CBLL1: variants seen among roughly 807,000 people sequenced by gnomAD.
CBLL1 encodes the protein E3 ubiquitin-protein ligase Hakai.
In CBLL1, 4 loss-of-function variants were observed where a neutral mutation model predicts 44.9. The ratio of observed to expected loss-of-function variants is 0.09; its 90% CI spans 0.04 to 0.20. The LOEUF (loss-of-function observed/expected upper bound fraction) is 0.20, where lower values mean the gene tolerates loss of function less well. Ranked by LOEUF, CBLL1 falls within the 10% of genes least tolerant of loss-of-function variation. CBLL1 has a pLI of 1.00. For missense variants in CBLL1, 569 were observed against 636.7 expected (o/e 0.89, Z 1.14); for synonymous variants, 235 against 202.2 (o/e 1.16, Z -1.38).
In CBLL1 at chr7:107,761,237, A is replaced by G. The variant is rs1435527358; in HGVS notation, c.*2059A>G. 6.6e-6 allele frequency: 1 copy of G among 152,250 alleles called. No individual in the cohort carries two copies. Among genetic ancestry groups the G allele is most frequent in the Non-Finnish European group, 1.5e-5 (1 of 67,934 alleles). The allele number at this position is 152,250 out of a possible 1,614,324, so 9.4% of individuals were successfully genotyped here. A position where few individuals can be genotyped will look rare whatever the true frequency, so the allele number is the denominator to read the frequency against. ...CTTTTATTGAAAGTCACTAGAGTTG[A>G]ATGTGGTAAGAAACCACTTAGCCTA... On this transcript the variant is annotated 3_prime_UTR_variant, in exon 6 of 6. Coordinates refer to ENST00000440859, the MANE Select transcript of CBLL1 (RefSeq NM_024814.4).
chr7:107,745,692 T>A (rs1483322306), intron 1 of CBLL1, among the ~76,000 whole-genome samples: 1 of 152,070 alleles, frequency 6.6e-6, no homozygotes, highest in Non-Finnish European at 1.5e-5. Flanking sequence ...TTGGTGAAAA[T>A]GAAGGAGAAT....
In CBLL1 at chr7:107,760,295, A is replaced by G. The variant is rs1208697800; in HGVS notation, c.*1117A>G. The G allele has an allele frequency of 6.6e-6, 1 of 152,250 alleles. No homozygotes were observed. Among genetic ancestry groups the G allele is most frequent in the Non-Finnish European group, 1.5e-5 (1 of 67,946 alleles). The allele number at this position is 152,250 out of a possible 1,614,324, so 9.4% of individuals were successfully genotyped here. A position where few individuals can be genotyped will look rare whatever the true frequency, so the allele number is the denominator to read the frequency against. ...ACAAATTTGCATTTGCTCAGGTTTC[A>G]TTGCTGTGTGATAGGATTTTTCCTC... is the stretch of plus-strand genomic sequence containing the variant. On this transcript the variant is annotated 3_prime_UTR_variant, in exon 6 of 6. Coordinates refer to ENST00000440859, the MANE Select transcript of CBLL1 (RefSeq NM_024814.4).
intron 4 of CBLL1, among the ~76,000 whole-genome samples, chr7:107,754,888 G>T (rs1793459352): frequency 6.6e-6 from 1 of 152,138 alleles, no homozygotes; most frequent in African/African-American, 2.4e-5. Flanking sequence ...GCTTTGGGAG[G>T]CTGAGGTGGG....
chr7:107,756,420 T>A (rs966874124), intron 5 of CBLL1, among the ~76,000 whole-genome samples: 2 of 152,222 alleles, frequency 1.3e-5, no homozygotes, highest in African/African-American at 2.4e-5. Context: ...ATTAGCATTT[T>A]AAAGTAACAG....
Position 107,749,000 on chromosome 7 carries a change from A to T in CBLL1, c.134A>T (p.Gln45Leu). ...ANKAKPAPRTQRTINRMPAKA... is the reference protein window; with the variant it reads ...ANKAKPAPRTLRTINRMPAKA... The stretch of plus-strand genomic sequence containing the variant: ...AAAGCGAAACCTGCACCGCGAACTC[A>T]AAGAACTATAAACAGGATGCCTGCA... Residue 45 changes from glutamine to leucine, a missense_variant, in exon 2 of 6, where the codon CAA becomes CTA. Around this residue, in one of 5 missense-constraint regions of CBLL1, gnomAD observed 209 missense variants for 202.8 expected, o/e 1.03. Coordinates refer to ENST00000440859, the MANE Select transcript of CBLL1 (RefSeq NM_024814.4). 6.2e-7 allele frequency: 1 copy of T among 1,614,212 alleles called. No homozygotes were observed.
At chr7:107,751,665 A>C (rs1416694237) in intron 2 of CBLL1, among the ~76,000 whole-genome samples, 1 of 152,214 alleles carries the variant, frequency 6.6e-6, no homozygotes, top group Non-Finnish European at 1.5e-5. Context: ...TTTTTAAAAC[A>C]ACACGTTAGT....
rs141627101 is a variant in CBLL1, at chr7:107,758,768, C to T, written c.1066C>T (p.Pro356Ser). The T allele has an allele frequency of 1.2e-3, 1,877 of 1,613,738 alleles. 2 individuals are homozygous for T. The highest frequency in any genetic ancestry group is 4.3e-3 in the Middle Eastern group (26 of 6,058). The change falls in exon 6 of 6, where the codon CCA (proline) becomes TCA (serine). Residue 356 changes from proline (P) to serine (S), a missense_variant. Coordinates refer to ENST00000440859, the MANE Select transcript of CBLL1 (RefSeq NM_024814.4). This position sits in a 1 kb window ranked among gnomAD's most constrained non-coding sequence, Gnocchi z 4.2. ...PPPPPISHPMPHPPQAAGTPH... is the reference protein window; with the variant it reads ...PPPPPISHPMSHPPQAAGTPH... ...TCCACCACCAATAAGCCATCCAATGCCACATCCTCCCCAGGCTGCAGGTAC... is the reference window on the plus strand; with the variant it reads ...TCCACCACCAATAAGCCATCCAATGTCACATCCTCCCCAGGCTGCAGGTAC...
At position 107,758,294 on chromosome 7, in the gene CBLL1, AC is replaced by A; in HGVS notation, c.595del (p.Arg199ValfsTer23). ...HRHMRAGKPV[T>X]RASLENVHPP... Reference sequence around the variant, plus strand: ...CCATATGAGAGCTGGAAAACCTGTTACCCGTGCTTCACTTGAAAATGTTCAT... The same window carrying A: ...CCATATGAGAGCTGGAAAACCTGTTACCGTGCTTCACTTGAAAATGTTCAT... On this transcript the variant is annotated frameshift_variant, in exon 6 of 6. Transcript: ENST00000440859. LOFTEE classifies it high-confidence loss of function. The surrounding 1 kb of genome is among the most constrained non-coding windows in gnomAD (Gnocchi z 4.2). The A allele has an allele frequency of 6.2e-7, 1 of 1,614,032 alleles. No homozygotes were observed. Among genetic ancestry groups the A allele is most frequent in the East Asian group, 2.2e-5 (1 of 44,876 alleles).
chr7:107,753,003 T>C (rs1290585712), intron 2 of CBLL1, among the ~76,000 whole-genome samples: 1 of 152,244 alleles, frequency 6.6e-6, no homozygotes, highest in Non-Finnish European at 1.5e-5. Flanking sequence ...ACCATTTTTG[T>C]AGCTAGACTA....
chr7:107,745,016 A>G (rs748918706), intron 1 of CBLL1, among the ~76,000 whole-genome samples: 8 of 152,106 alleles, frequency 5.3e-5, no homozygotes, highest in Non-Finnish European at 1.2e-4. Context: ...TCAGATATCT[A>G]CTTGGTTATA....
Position 107,758,856 on chromosome 7 carries a change from C to G in CBLL1, c.1154C>G (p.Thr385Ser). Residue 385 changes from threonine to serine, a missense_variant, in exon 6 of 6, where the codon ACC becomes AGC. Coordinates refer to ENST00000440859, the MANE Select transcript of CBLL1 (RefSeq NM_024814.4). The surrounding 1 kb of genome is among the most constrained non-coding windows in gnomAD (Gnocchi z 4.2). ...ATGACCTCTGCTCCACCACCAATAACCCCTCCCCCTGGACATATTATTGCC... is the reference window on the plus strand; with the variant it reads ...ATGACCTCTGCTCCACCACCAATAAGCCCTCCCCCTGGACATATTATTGCC... ...PPMTSAPPPI[T>S]PPPGHIIAQM... The G allele has an allele frequency of 6.2e-7, 1 of 1,614,012 alleles. No homozygotes were observed. The highest frequency in any genetic ancestry group is 8.5e-7 in the Non-Finnish European group (1 of 1,179,978).
At chr7:107,748,466 T>C (rs6956243) in intron 1 of CBLL1, among the ~76,000 whole-genome samples, 35,290 of 152,178 alleles carry the variant, frequency 0.23, 4,769 homozygotes, top group South Asian at 0.44. Context: ...GCATGCTTGA[T>C]GATCAGACAT....
In CBLL1 at chr7:107,752,843, T is replaced by G. The variant is rs113035455; in HGVS notation, c.182-568T>G. Among the ~76,000 whole-genome samples the G allele has an allele frequency of 7.4e-3, 1,122 of 152,294 alleles. 11 individuals are homozygous for G. Among genetic ancestry groups the G allele is most frequent in the African/African-American group, 0.025 (1,049 of 41,564 alleles). ...TTTGGGTAATTAATCAGGGAGTGGTTTTAATTGACAGGATGAAATATGAAT... is the reference window on the plus strand; with the variant it reads ...TTTGGGTAATTAATCAGGGAGTGGTGTTAATTGACAGGATGAAATATGAAT... On this transcript the variant is annotated intron_variant, in intron 2 of 5. Coordinates refer to ENST00000440859, the MANE Select transcript of CBLL1 (RefSeq NM_024814.4).
In CBLL1 at chr7:107,744,155, A is replaced by C; in HGVS notation, c.-9A>C. On this transcript the variant is annotated 5_prime_UTR_variant, in exon 1 of 6. Transcript: ENST00000440859. ...ACTTCCGCTCCCACTGTGCTCTGCG[A>C]GCCGAATCATGGATCACACTGGTAA... 1 of 1,554,084 alleles carries C rather than the reference A, an allele frequency of 6.4e-7. No individual in the cohort carries two copies. The highest frequency in any genetic ancestry group is 8.7e-7 in the Non-Finnish European group (1 of 1,148,504).
chr7:107,748,847 A>G (rs751548723), intron 1 of CBLL1, 33 bp from the exon 2 acceptor site: 27 of 1,545,746 alleles, frequency 1.7e-5, no homozygotes, highest in Non-Finnish European at 2.3e-5. Flanking sequence ...AAGAAAAACT[A>G]AAAGAAATTA....
intron 5 of CBLL1, among the ~76,000 whole-genome samples, chr7:107,755,787 A>G (rs4730258): frequency 0.28 from 42,218 of 151,954 alleles, 5,997 homozygotes; most frequent in South Asian, 0.45. Context: ...ATTAAGATAT[A>G]TTGAGAGCAA....
chr7:107,749,099 T>G, intron 2 of CBLL1, 52 bp downstream of exon 2: 3 of 1,549,684 alleles, frequency 1.9e-6, no homozygotes, highest in Non-Finnish European at 2.6e-6. Flanking sequence ...ATCTGATTGC[T>G]TCGGACAGTC....
chr7:107,753,865 A>G, intron 3 of CBLL1, 30 bp from the exon 4 acceptor site: 1 of 1,351,708 alleles, frequency 7.4e-7, no homozygotes. Flanking sequence ...ATTGTGTAAG[A>G]AGGTAATTTT....
In CBLL1 at chr7:107,758,821, ACCT is replaced by A. The variant is rs1562866805; in HGVS notation, c.1122_1124del (p.Pro376del). On this transcript the variant is annotated inframe_deletion, in exon 6 of 6. Coordinates refer to ENST00000440859, the MANE Select transcript of CBLL1 (RefSeq NM_024814.4). The surrounding 1 kb of genome is among the most constrained non-coding windows in gnomAD (Gnocchi z 4.2). ...CTCACTTGGTATATAGCCAAGCTCC[ACCT>A]CCACCAATGACCTCTGCTCCACCAC... 3.7e-6 allele frequency: 6 copies of A among 1,613,110 alleles called. No homozygotes were observed. Among genetic ancestry groups the A allele is most frequent in the Non-Finnish European group, 5.1e-6 (6 of 1,179,770 alleles).
Sources: allele counts gnomAD v4.1 joint callset (sites outside exome capture counted in the v4.1 genomes callset), GRCh38; gene constraint gnomAD v4.1.1; regional missense constraint gnomAD v4.1.1; non-coding constraint Gnocchi (gnomAD v3.1); transcripts MANE v1.5; gene names NCBI Gene and HGNC (gene_info 2026-07-23, HGNC 2026-07-21).